Variants in MYH9 observed in about 807,000 individuals in gnomAD.
The protein encoded by MYH9 is myosin-9.
MYH9 carries 29 observed loss-of-function variants against 241.9 expected under a neutral mutation model. That is an observed-to-expected ratio of 0.12 (90% CI 0.09 to 0.16). The LOEUF (loss-of-function observed/expected upper bound fraction) is 0.16, where lower values mean the gene tolerates loss of function less well. Among genes scored for constraint, MYH9 ranks in the 10% least tolerant of loss-of-function variants. The pLI, the probability that MYH9 is intolerant of heterozygous loss-of-function variation, is 1.00. For missense variants in MYH9, 1,803 were observed against 2,595.5 expected (o/e 0.69, Z 6.63); for synonymous variants, 1,047 against 1,062.6 (o/e 0.99, Z 0.29).
chr22:36,285,859 G>T lies in MYH9; in HGVS notation c.5150+6C>A, dbSNP rs1318272351. 1.9e-6 allele frequency: 3 copies of T among 1,613,480 alleles called. No homozygotes were observed. The highest frequency in any genetic ancestry group is 2.5e-6 in the Non-Finnish European group (3 of 1,179,970). On this transcript the variant is annotated splice_donor_region_variant and intron_variant, in intron 36 of 40. Coordinates refer to ENST00000216181, the MANE Select transcript of MYH9 (RefSeq NM_002473.6). The surrounding 1 kb of genome is among the most constrained non-coding windows in gnomAD (Gnocchi z 7.0). ...CCCCCCAACTCTGCCCCCTCACTCA[G>T]CTCACCCTTTGCCGCTGCTGTTGGC...
chr22:36,372,465 G>A (rs1271064048), intron 1 of MYH9, among the ~76,000 whole-genome samples: 1 of 145,496 alleles, frequency 6.9e-6, no homozygotes, highest in Non-Finnish European at 1.5e-5. Context: ...CTCCAGCCTG[G>A]GCAAAAGAAA....
chr22:36,293,989 T>C lies in MYH9; in HGVS notation c.3837+103A>G, dbSNP rs577708199. On this transcript the variant is annotated intron_variant, in intron 28 of 40. Coordinates refer to ENST00000216181, the MANE Select transcript of MYH9 (RefSeq NM_002473.6). This position sits in a 1 kb window ranked among gnomAD's most constrained non-coding sequence, Gnocchi z 5.1. The stretch of plus-strand genomic sequence containing the variant: ...AACCATGAGGGTCTGAGGAGCCAGT[T>C]TGAGAAGAGAGAGAGACAGAGAGCA... 12 of 1,488,676 alleles carry C rather than the reference T, an allele frequency of 8.1e-6. No homozygotes were observed. Among genetic ancestry groups the C allele is most frequent in the East Asian group, 4.6e-5 (2 of 43,538 alleles). The allele number at this position is 1,488,676 out of a possible 1,614,324, so 92.2% of individuals were successfully genotyped here. A position where few individuals can be genotyped will look rare whatever the true frequency, so the allele number is the denominator to read the frequency against.
intron 1 of MYH9, among the ~76,000 whole-genome samples, chr22:36,368,860 C>T (rs966111055): frequency 2.2e-5 from 3 of 135,714 alleles, no homozygotes; most frequent in African/African-American, 8.5e-5. Flanking sequence ...GCCCCGTCCG[C>T]GATAGAGCAT....
At chr22:36,297,110 G>T in intron 24 of MYH9, 96 bp from the exon 25 acceptor site, 4 of 1,399,254 alleles carry the variant, frequency 2.9e-6, no homozygotes, top group East Asian at 2.4e-5. Context: ...GTTATGAAAC[G>T]TGTGTCAGGC....
rs369631819 is a variant in MYH9, at chr22:36,306,076, G to A, written c.2038-25C>T. Reference sequence around the variant, plus strand: ...CCTGGAGAAGAAAACACATGCATGCGGTCTCACTTCCGTGCCTAGAACAGT... The same window carrying A: ...CCTGGAGAAGAAAACACATGCATGCAGTCTCACTTCCGTGCCTAGAACAGT... On this transcript the variant is annotated intron_variant, in intron 16 of 40. Transcript: ENST00000216181. This position sits in a 1 kb window ranked among gnomAD's most constrained non-coding sequence, Gnocchi z 4.1. The A allele has an allele frequency of 8.7e-5, 141 of 1,611,968 alleles. No individual in the cohort carries two copies. Among genetic ancestry groups the A allele is most frequent in the Middle Eastern group, 1.6e-4 (1 of 6,082 alleles).
Position 36,298,901 on chromosome 22 carries a change from T to C in MYH9, c.3100+18A>G. ...CCGCCAGCCCCTGCCCATCACCTCC[T>C]GCTCGTCACCCCCTCACCTTCCAAG... is the stretch of plus-strand genomic sequence containing the variant. On this transcript the variant is annotated intron_variant, in intron 24 of 40. Transcript: ENST00000216181. 1.2e-6 allele frequency: 2 copies of C among 1,613,090 alleles called. No individual in the cohort carries two copies. Among genetic ancestry groups the C allele is most frequent in the East Asian group, 2.2e-5 (1 of 44,880 alleles).
chr22:36,302,532 A>G, intron 20 of MYH9, 36 bp downstream of exon 20: 2 of 1,530,640 alleles, frequency 1.3e-6, no homozygotes, highest in Non-Finnish European at 1.8e-6. Context: ...GTGCACCCGT[A>G]GTCCCAGCTA....
At position 36,306,640 on chromosome 22, in the gene MYH9, A is replaced by T; in HGVS notation, c.1844-33T>A. 1.2e-6 allele frequency: 2 copies of T among 1,600,150 alleles called. No individual in the cohort carries two copies. The highest frequency in any genetic ancestry group is 1.7e-6 in the Non-Finnish European group (2 of 1,174,960). On this transcript the variant is annotated intron_variant, in intron 15 of 40. Coordinates refer to ENST00000216181, the MANE Select transcript of MYH9 (RefSeq NM_002473.6). The surrounding 1 kb of genome is among the most constrained non-coding windows in gnomAD (Gnocchi z 4.1). ...GACCACAGAGAACACGTGAGTGCCC[A>T]CACAGTTGCAGCTGGGTGGTGGGGG... is the stretch of plus-strand genomic sequence containing the variant.
At chr22:36,357,369 C>T (rs915913569) in intron 1 of MYH9, among the ~76,000 whole-genome samples, 69 of 152,162 alleles carry the variant, frequency 4.5e-4, no homozygotes, top group African/African-American at 1.5e-3. Flanking sequence ...CGCTCAATAA[C>T]CACATACAAA....
chr22:36,306,364 C>T lies in MYH9; in HGVS notation c.2037+50G>A. ...GCTGGGGAGACAGACAAGGGCTGAG[C>T]ACCCCACACCACAGTGCCCTGCCCG... On this transcript the variant is annotated intron_variant, in intron 16 of 40. Transcript: ENST00000216181. This position sits in a 1 kb window ranked among gnomAD's most constrained non-coding sequence, Gnocchi z 4.1. 1 of 1,606,844 alleles carries T rather than the reference C, an allele frequency of 6.2e-7. No homozygotes were observed. Among genetic ancestry groups the T allele is most frequent in the South Asian group, 1.1e-5 (1 of 90,592 alleles).
At chr22:36,354,246 T>C (rs1214746476) in intron 1 of MYH9, among the ~76,000 whole-genome samples, 1 of 151,832 alleles carries the variant, frequency 6.6e-6, no homozygotes, top group Non-Finnish European at 1.5e-5. Flanking sequence ...ATTTTACAGA[T>C]GATGCAGTGG....
At chr22:36,311,071 C>T (rs1028356076) in intron 14 of MYH9, among the ~76,000 whole-genome samples, 1 of 152,220 alleles carries the variant, frequency 6.6e-6, no homozygotes, top group Non-Finnish European at 1.5e-5. Flanking sequence ...AAAGCTCCCA[C>T]ATCTCCTCGC....
At position 36,306,596 on chromosome 22, in the gene MYH9, T is replaced by C. The variant is rs779544457; in HGVS notation, c.1855A>G (p.Ile619Val). ...ATGCCGGCCACCTGGTCCAGGCCGATGATGCGGTCCACTGTGGAGACCACA... is the reference window on the plus strand; with the variant it reads ...ATGCCGGCCACCTGGTCCAGGCCGACGATGCGGTCCACTGTGGAGACCACA... ...SELWKDVDRI[I>V]GLDQVAGMSE... Residue 619 changes from isoleucine (I) to valine (V), a missense_variant, in exon 16 of 41, where the codon ATC becomes GTC. By Grantham distance (29) the Ile-to-Val change is conservative. Coordinates refer to ENST00000216181, the MANE Select transcript of MYH9 (RefSeq NM_002473.6). The surrounding 1 kb of genome is among the most constrained non-coding windows in gnomAD (Gnocchi z 4.1). 1.9e-6 allele frequency: 3 copies of C among 1,613,044 alleles called. No homozygotes were observed. The highest frequency in any genetic ancestry group is 1.7e-4 in the Middle Eastern group (1 of 6,044).
At chr22:36,385,317 C>T (rs1214997183) in intron 1 of MYH9, among the ~76,000 whole-genome samples, 1 of 152,014 alleles carries the variant, frequency 6.6e-6, no homozygotes, top group African/African-American at 2.4e-5. Flanking sequence ...GTCTTAAGTA[C>T]TTTATTGAAG....
Position 36,295,644 on chromosome 22 carries a change from G to C in MYH9, c.3346C>G (p.Leu1116Val). Residue 1116 changes from leucine to valine, a missense_variant, in exon 26 of 41, where the codon CTC (leucine) becomes GTC (valine). Coordinates refer to ENST00000216181, the MANE Select transcript of MYH9 (RefSeq NM_002473.6). The surrounding 1 kb of genome is among the most constrained non-coding windows in gnomAD (Gnocchi z 4.1). ...IRELESQISE[L>V]QEDLESERAS... ...CGCTCAGACTCCAGGTCTTCCTGGA[G>C]TTCAGAGATCTGAGATTCCAGCTCC... The C allele has an allele frequency of 6.2e-7, 1 of 1,613,944 alleles. No individual in the cohort carries two copies. Among genetic ancestry groups the C allele is most frequent in the Admixed American group, 1.7e-5 (1 of 60,014 alleles).
intron 1 of MYH9, among the ~76,000 whole-genome samples, chr22:36,358,770 A>G (rs1603484255): frequency 1.3e-5 from 2 of 152,270 alleles, no homozygotes; most frequent in South Asian, 2.1e-4. Flanking sequence ...TGCCACTTCT[A>G]CAGAACTCCT....
intron 1 of MYH9, among the ~76,000 whole-genome samples, chr22:36,365,839 C>T (rs1361363943): frequency 6.6e-6 from 1 of 152,194 alleles, no homozygotes; most frequent in Non-Finnish European, 1.5e-5. Context: ...GTGACATACA[C>T]ATGCTATTCA....
intron 2 of MYH9, among the ~76,000 whole-genome samples, chr22:36,344,441 G>A (rs537936397): frequency 4.5e-5 from 1 of 22,246 alleles, no homozygotes; most frequent in Non-Finnish European, 1.3e-4. Flanking sequence ...CCATGAATGA[G>A]GCAGCACCTC....
chr22:36,352,645 G>T (rs2017785807), intron 1 of MYH9, among the ~76,000 whole-genome samples: 1 of 152,236 alleles, frequency 6.6e-6, no homozygotes, highest in Non-Finnish European at 1.5e-5. Context: ...TTTGGTGGGA[G>T]GGCAGGGGAC....
Sources: allele counts gnomAD v4.1 joint callset (sites outside exome capture counted in the v4.1 genomes callset), GRCh38; gene constraint gnomAD v4.1.1; non-coding constraint Gnocchi (gnomAD v3.1); transcripts MANE v1.5; gene names NCBI Gene and HGNC (gene_info 2026-07-23, HGNC 2026-07-21).